The following SRGAP1 variants were observed in gnomAD, a reference collection of about 807,000 sequenced individuals.
SRGAP1 encodes SLIT-ROBO Rho GTPase activating protein 1.
Under a neutral mutation model 121.9 loss-of-function variants are expected in SRGAP1, and 43 were observed. The ratio of observed to expected loss-of-function variants is 0.35; its 90% CI spans 0.28 to 0.46. The LOEUF (loss-of-function observed/expected upper bound fraction) is 0.46, where lower values mean the gene tolerates loss of function less well. SRGAP1 is among the 20% of genes least tolerant of loss of function. The probability of loss-of-function intolerance (pLI) is 1.00; values close to 1 mark genes in which losing one functional copy is unlikely to be tolerated. For synonymous variants in SRGAP1, 447 were observed against 485.4 expected, an observed-to-expected ratio of 0.92 and a Z score of 1.04; for missense variants, 1,102 against 1,350.9, an observed-to-expected ratio of 0.82 and a Z score of 2.89.
At chr12:63,915,916 T>C (rs1478147405) in intron 1 of SRGAP1, among the ~76,000 whole-genome samples, 2 of 152,086 alleles carry the variant, frequency 1.3e-5, no homozygotes, top group African/African-American at 4.8e-5. Flanking sequence ...AAGGATGAAA[T>C]AGAAGCCTTG....
intron 6 of SRGAP1, 113 bp downstream of exon 6, chr12:64,043,688 C>A (rs1235130176): frequency 1.9e-5 from 14 of 755,794 alleles, no homozygotes; most frequent in African/African-American, 1.8e-4. Flanking sequence ...ACGTAATACT[C>A]AAAAAGAAAA....
intron 1 of SRGAP1, among the ~76,000 whole-genome samples, chr12:63,957,072 A>G (rs2032495960): frequency 6.6e-6 from 1 of 152,186 alleles, no homozygotes; most frequent in Non-Finnish European, 1.5e-5. Context: ...TTTCCAAATA[A>G]TATTCCGTGG....
At chr12:63,987,672 A>G (rs1027700242) in intron 2 of SRGAP1, among the ~76,000 whole-genome samples, 2 of 152,206 alleles carry the variant, frequency 1.3e-5, no homozygotes, top group Non-Finnish European at 2.9e-5. Context: ...CAGTGAGTCA[A>G]GATCACACCA....
intron 3 of SRGAP1, among the ~76,000 whole-genome samples, chr12:64,005,098 A>G (rs911417954): frequency 6.6e-6 from 1 of 152,334 alleles, no homozygotes; most frequent in East Asian, 1.9e-4. Flanking sequence ...GAAAAAAAAT[A>G]TTATTGTGAG....
intron 3 of SRGAP1, among the ~76,000 whole-genome samples, chr12:64,008,472 T>C (rs1201676066): frequency 6.6e-6 from 1 of 152,184 alleles, no homozygotes; most frequent in Non-Finnish European, 1.5e-5. Context: ...CAAATGTCAA[T>C]CTTTAAAGGA....
chr12:64,140,218 G>A (rs1394355561), intron 21 of SRGAP1, among the ~76,000 whole-genome samples: 5 of 144,716 alleles, frequency 3.5e-5, no homozygotes, highest in Non-Finnish European at 6.0e-5. Flanking sequence ...TTGACTTGGT[G>A]ATGCGGGCTC....
intron 4 of SRGAP1, among the ~76,000 whole-genome samples, chr12:64,039,783 G>A (rs578117658): frequency 1.3e-4 from 19 of 148,334 alleles, no homozygotes; most frequent in Admixed American, 6.7e-4. Flanking sequence ...GTGTAGATTC[G>A]TTGACCTTTT....
intron 16 of SRGAP1, among the ~76,000 whole-genome samples, chr12:64,110,605 C>T (rs2036416629): frequency 6.6e-6 from 1 of 152,152 alleles, no homozygotes; most frequent in African/African-American, 2.4e-5. Context: ...ACTAAAGACC[C>T]AGAAAGATTA....
chr12:63,964,372 A>G (rs556411128), intron 1 of SRGAP1, among the ~76,000 whole-genome samples: 2 of 152,316 alleles, frequency 1.3e-5, no homozygotes, highest in African/African-American at 4.8e-5. Context: ...GCCTTTTGTC[A>G]TTCATCCTTT....
At chr12:63,981,916 A>T (rs983872984) in intron 1 of SRGAP1, among the ~76,000 whole-genome samples, 5 of 152,110 alleles carry the variant, frequency 3.3e-5, no homozygotes, top group Non-Finnish European at 5.9e-5. Context: ...GATGGATAGA[A>T]GGATGGGAAG....
At chr12:63,987,834 AACAGCTGACTT>A (rs1284802173) in intron 2 of SRGAP1, among the ~76,000 whole-genome samples, 1 of 152,244 alleles carries the variant, frequency 6.6e-6, no homozygotes, top group Admixed American at 6.5e-5. Flanking sequence ...CCCGTGATAA[AACAGCTGACTT>A]TATATAGCAC....
intron 17 of SRGAP1, among the ~76,000 whole-genome samples, chr12:64,114,555 TG>T (rs1429225980): frequency 6.6e-6 from 1 of 152,108 alleles, no homozygotes. Context: ...TTCACCATGT[TG>T]GCCAGGCTGG....
At chr12:63,879,318 T>C (rs1391652840) in intron 1 of SRGAP1, 2 of 152,264 alleles carry the variant, frequency 1.3e-5, no homozygotes, top group East Asian at 3.9e-4. Context: ...CCCTGTCCTT[T>C]GTTCTTTTTA....
intron 2 of SRGAP1, among the ~76,000 whole-genome samples, chr12:63,988,636 C>G (rs1256274575): frequency 2.0e-5 from 3 of 152,058 alleles, no homozygotes; most frequent in Non-Finnish European, 4.4e-5. Context: ...TGGCAGAGGC[C>G]CAACTTCATC....
chr12:64,024,232 C>G (rs920614325), intron 4 of SRGAP1, among the ~76,000 whole-genome samples: 1 of 152,072 alleles, frequency 6.6e-6, no homozygotes, highest in Non-Finnish European at 1.5e-5. Context: ...AGTTCAAGAC[C>G]AGCCTGGGCA....
rs1444219363 is a variant in SRGAP1, at chr12:64,147,703, G to A, written c.*5031G>A. ...AGTCTGGAAAGAAAAAAAATGTTTT[G>A]TTAATCTGTTGTGACAATGCACTTT... On this transcript the variant is annotated 3_prime_UTR_variant, in exon 22 of 22. Coordinates refer to ENST00000355086, the MANE Select transcript of SRGAP1 (RefSeq NM_020762.4). The A allele has an allele frequency of 2.5e-6, 1 of 398,444 alleles. No homozygotes were observed. Among genetic ancestry groups the A allele is most frequent in the African/African-American group, 2.1e-5 (1 of 48,580 alleles). The allele number at this position is 398,444 out of a possible 1,614,324, so 24.7% of individuals were successfully genotyped here.
At chr12:64,034,511 T>C (rs1462834854) in intron 4 of SRGAP1, among the ~76,000 whole-genome samples, 1 of 152,204 alleles carries the variant, frequency 6.6e-6, no homozygotes, top group African/African-American at 2.4e-5. Context: ...TTACCTCTAT[T>C]AGAAACAACA....
intron 1 of SRGAP1, among the ~76,000 whole-genome samples, chr12:63,915,283 A>G (rs1382401377): frequency 6.6e-6 from 1 of 151,428 alleles, no homozygotes; most frequent in Non-Finnish European, 1.5e-5. Context: ...AGTGTAGATT[A>G]GTGTTTTTTG....
intron 9 of SRGAP1, 74 bp downstream of exon 9, chr12:64,079,190 A>G (rs2035792498): frequency 4.0e-6 from 6 of 1,511,190 alleles, no homozygotes; most frequent in Non-Finnish European, 4.5e-6. Context: ...CTATAGTCAC[A>G]TCAGAACCAT....
Sources: gnomAD v4.1 joint callset for allele counts (sites outside exome capture counted in the v4.1 genomes callset) on GRCh38, gnomAD v4.1.1 for gene constraint, MANE v1.5 for transcripts, NCBI Gene and HGNC (gene_info 2026-07-23, HGNC 2026-07-21) for gene names.